Variants in TRMT1L observed in about 807,000 individuals in gnomAD.
TRMT1L encodes the protein tRNA (guanine(27)-N(2))-dimethyltransferase.
A neutral mutation model predicts 81.6 loss-of-function variants in TRMT1L; 28 were observed. The observed-to-expected ratio is 0.34, with a 90% CI of 0.25 to 0.47. The LOEUF is 0.47. TRMT1L is among the 20% of genes least tolerant of loss of function. The probability of loss-of-function intolerance (pLI) is 1.00; values close to 1 mark genes in which losing one functional copy is unlikely to be tolerated. For missense variants in TRMT1L, 739 were observed against 877.1 expected (o/e 0.84, Z 1.99); for synonymous variants, 301 against 303.2 (o/e 0.99, Z 0.07).
intron 9 of TRMT1L, among the ~76,000 whole-genome samples, chr1:185,138,733 T>A (rs1490213110): frequency 6.6e-6 from 1 of 152,202 alleles, no homozygotes; most frequent in Non-Finnish European, 1.5e-5. Context: ...TTGTAAGCCA[T>A]CATTTTATTC....
At chr1:185,153,700 G>T (rs1653421930) in intron 1 of TRMT1L, among the ~76,000 whole-genome samples, 1 of 152,030 alleles carries the variant, frequency 6.6e-6, no homozygotes, top group African/African-American at 2.4e-5. Context: ...GAATATATGT[G>T]CATTCCAAGA....
At chr1:185,143,640 A>T (rs1306274290) in intron 6 of TRMT1L, among the ~76,000 whole-genome samples, 4 of 152,160 alleles carry the variant, frequency 2.6e-5, no homozygotes, top group Non-Finnish European at 5.9e-5. Flanking sequence ...TCTATTAACA[A>T]GTATTTATTT....
chr1:185,137,054 C>A (rs1412506934), intron 10 of TRMT1L, among the ~76,000 whole-genome samples: 1 of 151,954 alleles, frequency 6.6e-6, no homozygotes, highest in African/African-American at 2.4e-5. Context: ...GTGCTAAACT[C>A]AAAAATTCAT....
chr1:185,147,289 T>C lies in TRMT1L; in HGVS notation c.461-43A>G, dbSNP rs544162248. 3 of 1,429,722 alleles carry C rather than the reference T, an allele frequency of 2.1e-6. No homozygotes were observed. In the South Asian group the frequency reaches 3.7e-5, roughly 17 times the overall value. 88.6% of individuals were successfully genotyped at this position (1,429,722 alleles called of 1,614,324 possible). A position where few individuals can be genotyped will look rare whatever the true frequency, so the allele number is the denominator to read the frequency against. ...TGGTTATCATACATTGTTCATTAAATATTCAGTTATCAAAAATTATAAGCA... is the reference window on the plus strand; with the variant it reads ...TGGTTATCATACATTGTTCATTAAACATTCAGTTATCAAAAATTATAAGCA... On this transcript the variant is annotated intron_variant, in intron 3 of 14. Transcript: ENST00000367506.
intron 3 of TRMT1L, among the ~76,000 whole-genome samples, chr1:185,149,302 CTCT>C (rs1653275498): frequency 6.8e-6 from 1 of 147,638 alleles, no homozygotes; most frequent in Non-Finnish European, 1.5e-5. Flanking sequence ...CTTTTACTTC[CTCT>C]TTTTTTTTTT....
intron 9 of TRMT1L, among the ~76,000 whole-genome samples, chr1:185,138,734 C>T (rs947737903): frequency 1.3e-5 from 2 of 152,134 alleles, no homozygotes; most frequent in African/African-American, 4.8e-5. Flanking sequence ...TGTAAGCCAT[C>T]ATTTTATTCA....
intron 7 of TRMT1L, among the ~76,000 whole-genome samples, chr1:185,140,475 T>C (rs1286531465): frequency 1.3e-5 from 2 of 152,202 alleles, no homozygotes; most frequent in Non-Finnish European, 2.9e-5. Flanking sequence ...TGTATGCTTT[T>C]TATTTTGTTG....
In TRMT1L at chr1:185,155,878, T is replaced by C. The variant is rs528488129; in HGVS notation, c.235+600A>G. 4.7e-4 allele frequency among the ~76,000 whole-genome samples: 72 copies of C among 152,336 alleles called. 1 individual carries two copies. The South Asian group carries it at 0.014, about 29-fold the overall frequency. ...GAGTACAAAACTCAATTGGTATTTA[T>C]GTATGGGGGAAAACATCCGTAAATT... On this transcript the variant is annotated intron_variant, in intron 1 of 14. Transcript: ENST00000367506.
chr1:185,150,558 C>G, intron 2 of TRMT1L, 66 bp from the exon 3 acceptor site: 1 of 1,164,912 alleles, frequency 8.6e-7, no homozygotes, highest in Non-Finnish European at 1.3e-6. Context: ...GATTCAACTA[C>G]AAAGAGGTTA....
intron 10 of TRMT1L, among the ~76,000 whole-genome samples, chr1:185,133,254 C>T (rs1488031121): frequency 1.3e-5 from 2 of 152,102 alleles, no homozygotes; most frequent in East Asian, 3.9e-4. Flanking sequence ...TTTGTAGAGA[C>T]AGGGTCTTGC....
Position 185,118,882 on chromosome 1 carries a change from C to T in TRMT1L, c.*1137G>A, listed in dbSNP as rs372462054. 6 of 151,322 alleles carry T rather than the reference C, an allele frequency of 4.0e-5. 1 individual carries two copies. Among genetic ancestry groups the T allele is most frequent in the African/African-American group, 1.2e-4 (5 of 41,298 alleles). The allele number at this position is 151,322 out of a possible 1,614,324, so 9.4% of individuals were successfully genotyped here. ...GTTATAATTATTACCACCCCCTCCA[C>T]CCCCTTCCCCCCACTTAATGGTTAT... On this transcript the variant is annotated 3_prime_UTR_variant, in exon 15 of 15. Transcript: ENST00000367506.
Position 185,120,794 on chromosome 1 carries a change from A to G in TRMT1L, c.1823-285T>C, listed in dbSNP as rs16823782. ...CAATCTGGGGCTAGTCACTTCATAC[A>G]TTTCATTGTTGTTAATACTACACTA... is the stretch of plus-strand genomic sequence containing the variant. On this transcript the variant is annotated intron_variant, in intron 13 of 14. Coordinates refer to ENST00000367506, the MANE Select transcript of TRMT1L (RefSeq NM_030934.5). 524 of 211,024 alleles carry G rather than the reference A, an allele frequency of 2.5e-3. 4 individuals are homozygous for G. The highest frequency in any genetic ancestry group is 0.011 in the African/African-American group (494 of 43,364). The allele number at this position is 211,024 out of a possible 1,614,324, so 13.1% of individuals were successfully genotyped here.
intron 9 of TRMT1L, 62 bp from the exon 10 acceptor site, chr1:185,137,858 C>A: frequency 6.5e-7 from 1 of 1,530,516 alleles, no homozygotes; most frequent in South Asian, 1.2e-5. Flanking sequence ...TGGCATTATA[C>A]TGACAATATT....
Position 185,155,524 on chromosome 1 carries a change from TC to T in TRMT1L, c.235+953del, listed in dbSNP as rs1159508018. The stretch of plus-strand genomic sequence containing the variant: ...GTTTCAAAACTGCAAAATAATCCTA[TC>T]TATAACTATCTAACCTTTTATAAAT... On this transcript the variant is annotated intron_variant, in intron 1 of 14. Transcript: ENST00000367506. Among the ~76,000 whole-genome samples the T allele has an allele frequency of 7.2e-5, 11 of 152,226 alleles. No individual in the cohort carries two copies. In the East Asian group the frequency reaches 2.1e-3, roughly 29 times the overall value.
intron 1 of TRMT1L, among the ~76,000 whole-genome samples, chr1:185,156,212 G>C (rs1653548714): frequency 6.6e-6 from 1 of 152,126 alleles, no homozygotes; most frequent in African/African-American, 2.4e-5. Flanking sequence ...TTAAGAAAAA[G>C]CCCTTAACCT....
At chr1:185,143,170 G>A (rs1044998865) in intron 7 of TRMT1L, among the ~76,000 whole-genome samples, 187 bp downstream of exon 7, 2 of 152,012 alleles carry the variant, frequency 1.3e-5, no homozygotes, top group African/African-American at 4.8e-5. Flanking sequence ...TTTGAAGTAA[G>A]CGATGGATAC....
At position 185,150,438 on chromosome 1, in the gene TRMT1L, C is replaced by T; in HGVS notation, c.401G>A (p.Ser134Asn). 1 of 1,613,710 alleles carries T rather than the reference C, an allele frequency of 6.2e-7. No homozygotes were observed. Among genetic ancestry groups the T allele is most frequent in the Non-Finnish European group, 8.5e-7 (1 of 1,179,858 alleles). ...CTGGAGGTGACGACGAAGCTTATGGCTATTACAAGCTCTGAATTTTTCCTT... is the reference window on the plus strand; with the variant it reads ...CTGGAGGTGACGACGAAGCTTATGGTTATTACAAGCTCTGAATTTTTCCTT... Reference protein sequence around the residue: ...CPKEKFRACNSHKLRRHLQNL... With the variant: ...CPKEKFRACNNHKLRRHLQNL... Residue 134 changes from serine to asparagine, a missense_variant, in exon 3 of 15, where the codon AGC (serine) becomes AAC (asparagine). Physicochemically the swap from Ser to Asn is conservative, Grantham distance 46 (BLOSUM62 1). Coordinates refer to ENST00000367506, the MANE Select transcript of TRMT1L (RefSeq NM_030934.5).
Position 185,156,685 on chromosome 1 carries a change from G to A in TRMT1L, c.28C>T (p.Leu10=). 1 of 1,612,448 alleles carries A rather than the reference G, an allele frequency of 6.2e-7. No homozygotes were observed. Among genetic ancestry groups the A allele is most frequent in the Non-Finnish European group, 8.5e-7 (1 of 1,179,750 alleles). ...TCCACCTCCTCCTTCTCCAGGGGCA[G>A]CAGCTCCTCCTCCGCCATATTCTCC... MENMAEEEL[L]PLEKEEVEVA... The change falls in exon 1 of 15, where the codon CTG becomes TTG. Residue 10 remains leucine, a synonymous_variant. Transcript: ENST00000367506.
At chr1:185,136,065 G>A (rs1652891477) in intron 10 of TRMT1L, among the ~76,000 whole-genome samples, 1 of 152,182 alleles carries the variant, frequency 6.6e-6, no homozygotes, top group African/African-American at 2.4e-5. Flanking sequence ...CTTCCTTAAT[G>A]TGATAAATGA....
Sources: allele counts gnomAD v4.1 joint callset (sites outside exome capture counted in the v4.1 genomes callset), GRCh38; gene constraint gnomAD v4.1.1; transcripts MANE v1.5; gene names NCBI Gene and HGNC (gene_info 2026-07-23, HGNC 2026-07-21).